ARMC8: variants seen among roughly 807,000 people sequenced by gnomAD.
The protein encoded by ARMC8 is armadillo repeat-containing protein 8.
Under a neutral mutation model 99.3 loss-of-function variants are expected in ARMC8, and 20 were observed. That is an observed-to-expected ratio of 0.20 (90% confidence interval 0.14 to 0.29). ARMC8 has a LOEUF of 0.29. Ranked by LOEUF, ARMC8 falls within the 10% of genes least tolerant of loss-of-function variation. The pLI is 1.00. For synonymous variants in ARMC8, 263 were observed against 278.3 expected (o/e 0.95, Z 0.55); for missense variants, 569 against 809.5 (o/e 0.70, Z 3.60).
Position 138,209,835 on chromosome 3 carries a change from C to T in ARMC8, c.64C>T (p.Arg22Cys), listed in dbSNP as rs1405020538. ...SVLSEVTASS[R>C]HYVDRLFDPD... ...TTTCTAGGAAGTAACAGCTAGCAGT[C>T]GCCACTATGTTGACAGGCTATTTGA... is the stretch of plus-strand genomic sequence containing the variant. The change falls in exon 2 of 22, where the codon CGC becomes TGC. Residue 22 changes from arginine to cysteine, a missense_variant. Coordinates refer to ENST00000469044, the MANE Select transcript of ARMC8 (RefSeq NM_001363941.2). The T allele has an allele frequency of 3.1e-6, 5 of 1,613,588 alleles. No individual in the cohort carries two copies. Among genetic ancestry groups the T allele is most frequent in the South Asian group, 1.1e-5 (1 of 91,056 alleles).
intron 2 of ARMC8, among the ~76,000 whole-genome samples, chr3:138,217,233 T>C (rs1169028728): frequency 6.6e-6 from 1 of 152,204 alleles, no homozygotes; most frequent in Non-Finnish European, 1.5e-5. Flanking sequence ...GAAGCATGAC[T>C]GTAATTGATT....
intron 12 of ARMC8, chr3:138,262,683 TA>T (rs111720907): frequency 0.04 from 39,434 of 979,248 alleles, no homozygotes; most frequent in East Asian, 0.058. Context: ...GACATAGGAT[TA>T]AAAAAAAAAA....
intron 1 of ARMC8, among the ~76,000 whole-genome samples, chr3:138,202,012 C>A (rs1250735832): frequency 6.6e-6 from 1 of 152,186 alleles, no homozygotes; most frequent in African/African-American, 2.4e-5. Flanking sequence ...CAGAACCTGG[C>A]ATAATTCCTG....
chr3:138,211,322 A>G (rs539529622), intron 2 of ARMC8, among the ~76,000 whole-genome samples: 5 of 152,362 alleles, frequency 3.3e-5, no homozygotes, highest in East Asian at 3.9e-4. Flanking sequence ...GTATTAAAAG[A>G]TGATATCACT....
intron 12 of ARMC8, among the ~76,000 whole-genome samples, chr3:138,252,452 CTTTT>C (rs1169244202): frequency 7.7e-6 from 1 of 129,198 alleles, no homozygotes. Context: ...ACCATAAACT[CTTTT>C]TTTTTTTTTT....
At chr3:138,223,128 C>T (rs2045493984) in intron 3 of ARMC8, among the ~76,000 whole-genome samples, 1 of 152,176 alleles carries the variant, frequency 6.6e-6, no homozygotes, top group Non-Finnish European at 1.5e-5. Flanking sequence ...GCTGTTTCTA[C>T]AGAGACTATC....
intron 14 of ARMC8, among the ~76,000 whole-genome samples, 166 bp downstream of exon 14, chr3:138,264,378 T>A (rs954137676): frequency 4.6e-5 from 7 of 151,470 alleles, no homozygotes; most frequent in Non-Finnish European, 1.0e-4. Context: ...AAATGCTTCA[T>A]GTGTGAGGGG....
intron 18 of ARMC8, among the ~76,000 whole-genome samples, chr3:138,280,302 T>C (rs957917415): frequency 4.0e-5 from 6 of 151,496 alleles, no homozygotes; most frequent in African/African-American, 1.2e-4. Context: ...TCATTGATTT[T>C]CCCACTTATT....
At chr3:138,259,306 C>T (rs929656924) in intron 12 of ARMC8, among the ~76,000 whole-genome samples, 1 of 152,172 alleles carries the variant, frequency 6.6e-6, no homozygotes, top group Non-Finnish European at 1.5e-5. Context: ...AAAATTTTTT[C>T]TCTGGACTGG....
Position 138,201,436 on chromosome 3 carries a change from C to CTTTTTTTTTTTTTTTTTTTT in ARMC8, c.46-8359_46-8340dup, listed in dbSNP as rs58707271. Reference sequence around the variant, plus strand: ...TAGAGTCCTTGTCTTCTTCCCCTCCCTTTTTTTTTTTTTTTTTTTTTTTTT... The same window carrying CTTTTTTTTTTTTTTTTTTTT: ...TAGAGTCCTTGTCTTCTTCCCCTCCCTTTTTTTTTTTTTTTTTTTTTTTTTTTTTTTTTTTTTTTTTTTTT... On this transcript the variant is annotated intron_variant, in intron 1 of 21. Transcript: ENST00000469044. Among the ~76,000 whole-genome samples, 5 of 64,996 alleles carry CTTTTTTTTTTTTTTTTTTTT rather than the reference C, an allele frequency of 7.7e-5. 1 individual carries two copies. Among genetic ancestry groups the CTTTTTTTTTTTTTTTTTTTT allele is most frequent in the Non-Finnish European group, 1.0e-4 (3 of 29,394 alleles). The allele number at this position is 64,996 out of a possible 152,430, so 42.6% of individuals were successfully genotyped here.
chr3:138,272,867 G>A (rs1453585973), intron 16 of ARMC8, 100 bp from the exon 17 acceptor site: 3 of 1,114,250 alleles, frequency 2.7e-6, no homozygotes, highest in South Asian at 4.5e-5. Context: ...GCAAGACTCT[G>A]TCTCAAAAAA....
chr3:138,223,909 A>AGG (rs2045540292), intron 5 of ARMC8, among the ~76,000 whole-genome samples, 176 bp downstream of exon 5: 1 of 150,506 alleles, frequency 6.6e-6, no homozygotes, highest in South Asian at 2.1e-4. Flanking sequence ...GGATTGCTTG[A>AGG]GGCCAGGAGT....
chr3:138,269,626 G>A (rs2048587687), intron 15 of ARMC8, among the ~76,000 whole-genome samples: 1 of 152,054 alleles, frequency 6.6e-6, no homozygotes, highest in South Asian at 2.1e-4. Context: ...ACTTCATAGA[G>A]TTCGTAAGCA....
chr3:138,235,789 C>T (rs913013759), intron 7 of ARMC8, among the ~76,000 whole-genome samples: 94 of 147,028 alleles, frequency 6.4e-4, no homozygotes, highest in African/African-American at 2.3e-3. Context: ...TCCATTCTGT[C>T]CTTTTAGTCT....
intron 16 of ARMC8, among the ~76,000 whole-genome samples, chr3:138,270,990 A>C (rs930339552): frequency 1.3e-5 from 2 of 152,158 alleles, no homozygotes; most frequent in Admixed American, 6.5e-5. Flanking sequence ...TTCACTTTAC[A>C]AATGGGAAAC....
At chr3:138,226,255 A>C (rs1232223811) in intron 5 of ARMC8, among the ~76,000 whole-genome samples, 1 of 152,102 alleles carries the variant, frequency 6.6e-6, no homozygotes. Flanking sequence ...CGGCCTCCCA[A>C]AGTGTTGGGA....
Position 138,222,001 on chromosome 3 carries a change from T to C in ARMC8, c.194+4T>C. On this transcript the variant is annotated splice_donor_region_variant and intron_variant, in intron 3 of 21. Transcript: ENST00000469044. ...TTGTTTTAGGAGCTGTTCCAAGGTA[T>C]GTTTGCTGTCTCACCCCTTTCTTGC... is the stretch of plus-strand genomic sequence containing the variant. 6.2e-7 allele frequency: 1 copy of C among 1,611,844 alleles called. No homozygotes were observed. Among genetic ancestry groups the C allele is most frequent in the Non-Finnish European group, 8.5e-7 (1 of 1,178,160 alleles).
At chr3:138,221,264 G>A (rs1013014896) in intron 2 of ARMC8, among the ~76,000 whole-genome samples, 1 of 152,156 alleles carries the variant, frequency 6.6e-6, no homozygotes, top group Non-Finnish European at 1.5e-5. Context: ...AGCAAAAATA[G>A]TAACAATGTA....
At chr3:138,236,111 T>G (rs1424169185) in intron 7 of ARMC8, among the ~76,000 whole-genome samples, 1 of 152,194 alleles carries the variant, frequency 6.6e-6, no homozygotes, top group African/African-American at 2.4e-5. Context: ...CGGCCTGTCC[T>G]TTTAGTCTTT....
Sources: allele counts gnomAD v4.1 joint callset (sites outside exome capture counted in the v4.1 genomes callset), GRCh38; gene constraint gnomAD v4.1.1; transcripts MANE v1.5; gene names NCBI Gene and HGNC (gene_info 2026-07-23, HGNC 2026-07-21).